NCOR2: variants seen among roughly 807,000 people sequenced by gnomAD.
NCOR2 encodes CTG repeat protein 26.
In NCOR2, 81 loss-of-function variants were observed where a neutral mutation model predicts 262.9. That is an observed-to-expected ratio of 0.31 (90% CI 0.26 to 0.37). The LOEUF is 0.37. NCOR2 is among the 10% of genes least tolerant of loss of function. The pLI, the probability that NCOR2 is intolerant of heterozygous loss-of-function variation, is 1.00. For synonymous variants in NCOR2, 1,659 were observed against 1,559.3 expected (o/e 1.06, Z -1.51); for missense variants, 3,385 against 3,621.4 (o/e 0.93, Z 1.68).
At chr12:124,438,242 C>T (rs150531548) in intron 7 of NCOR2, among the ~76,000 whole-genome samples, 2 of 152,270 alleles carry the variant, frequency 1.3e-5, no homozygotes, top group Admixed American at 1.3e-4. Context: ...AAGAGGGTTC[C>T]CAGAGCCGAG....
chr12:124,365,087 G>A (rs1449827323), intron 20 of NCOR2, among the ~76,000 whole-genome samples: 1 of 152,154 alleles, frequency 6.6e-6, no homozygotes, highest in East Asian at 1.9e-4. Flanking sequence ...GGGTATGGAA[G>A]CAGCCCGGCC....
At chr12:124,466,258 G>A (rs776360455) in exon 5 of NCOR2, 25 of 1,608,128 alleles carry the variant, frequency 1.6e-5, no homozygotes, top group East Asian at 2.2e-5. Flanking sequence ...AGGCTCGGGC[G>A]GCTTGGCAGC....
exon 31 of NCOR2, chr12:124,346,819 C>T (rs2036969352): frequency 6.3e-7 from 1 of 1,579,486 alleles, no homozygotes; most frequent in Non-Finnish European, 8.6e-7. Flanking sequence ...GCAGGTAGTC[C>T]TCCTGTGCCT....
rs772955359 is a variant in NCOR2, at chr12:124,486,609, C to T, written c.106-41G>A. ...GAGGAGTGGTGAGCGTGGGCGGGCA[C>T]GGGCATGGCGGGGCACGGCAGGGCA... On this transcript the variant is annotated intron_variant, in intron 1 of 46. Transcript: ENST00000405201. 8 of 1,532,682 alleles carry T rather than the reference C, an allele frequency of 5.2e-6. No individual in the cohort carries two copies. The African/African-American group carries it at 6.9e-5, about 13-fold the overall frequency. The allele number at this position is 1,532,682 out of a possible 1,614,324, so 94.9% of individuals were successfully genotyped here. A position where few individuals can be genotyped will look rare whatever the true frequency, so the allele number is the denominator to read the frequency against.
chr12:124,363,006 G>A (rs978344420), intron 21 of NCOR2, among the ~76,000 whole-genome samples: 1 of 152,282 alleles, frequency 6.6e-6, no homozygotes, highest in South Asian at 2.1e-4. Context: ...GCCTGGTGGT[G>A]GACAGGAGGC....
Position 124,503,673 on chromosome 12 carries a change from TG to T in NCOR2, c.-117-8306del, listed in dbSNP as rs1274395491. Among the ~76,000 whole-genome samples the T allele has an allele frequency of 5.3e-5, 6 of 112,986 alleles. No individual in the cohort carries two copies. The highest frequency in any genetic ancestry group is 1.7e-5 in the Non-Finnish European group (1 of 58,160). 74.1% of individuals were successfully genotyped at this position (112,986 alleles called of 152,430 possible). On this transcript the variant is annotated intron_variant, in intron 1 of 46. Transcript: ENST00000404621. The surrounding 1 kb of genome is among the most constrained non-coding windows in gnomAD (Gnocchi z 4.3). ...ATGGATGGATGGATGGACGGGTGAA[TG>T]GATGGATGGATGGATGGATGGATGG... is the stretch of plus-strand genomic sequence containing the variant.
chr12:124,412,402 G>A (rs2042631422), intron 13 of NCOR2, among the ~76,000 whole-genome samples: 1 of 152,240 alleles, frequency 6.6e-6, no homozygotes, highest in African/African-American at 2.4e-5. Context: ...CATTCGGGTG[G>A]CCACAGCATC....
chr12:124,479,873 C>T (rs1378277397), intron 3 of NCOR2, among the ~76,000 whole-genome samples: 5 of 152,224 alleles, frequency 3.3e-5, no homozygotes, highest in Non-Finnish European at 5.9e-5. Context: ...CGTTCCCCCA[C>T]GTCCAGCTCG....
intron 17 of NCOR2, among the ~76,000 whole-genome samples, chr12:124,380,917 CAGG>C (rs2040367164): frequency 6.6e-6 from 1 of 152,180 alleles, no homozygotes; most frequent in East Asian, 1.9e-4. Flanking sequence ...ACTGTGGGAT[CAGG>C]AGGTGTGTGT....
At chr12:124,430,938 A>G in intron 8 of NCOR2, 151 bp from the exon 11 acceptor site, 1 of 872,786 alleles carries the variant, frequency 1.1e-6, no homozygotes, top group Middle Eastern at 3.1e-4. Flanking sequence ...AGATACAGCC[A>G]CACAGACACA....
chr12:124,448,684 G>A (rs946441785), intron 7 of NCOR2, among the ~76,000 whole-genome samples: 1 of 152,184 alleles, frequency 6.6e-6, no homozygotes, highest in African/African-American at 2.4e-5. Flanking sequence ...TGGACCAGTC[G>A]CGCAACTCTG....
intron 7 of NCOR2, among the ~76,000 whole-genome samples, 180 bp from the exon 10 acceptor site, chr12:124,438,176 T>G (rs1480128904): frequency 6.6e-6 from 1 of 151,838 alleles, no homozygotes; most frequent in Non-Finnish European, 1.5e-5. Flanking sequence ...GCATCCTTAC[T>G]CCCCCGCGCG....
At chr12:124,424,156 T>G (rs1484835615) in intron 11 of NCOR2, among the ~76,000 whole-genome samples, 1 of 152,152 alleles carries the variant, frequency 6.6e-6, no homozygotes, top group East Asian at 1.9e-4. Flanking sequence ...CAGAGCCACA[T>G]GAGATCTTCC....
At chr12:124,341,757 G>A (rs2036481235) in intron 34 of NCOR2, 66 bp downstream of exon 36, 52 of 1,539,412 alleles carry the variant, frequency 3.4e-5, no homozygotes, top group Non-Finnish European at 4.5e-5. Context: ...CGAGGCCACA[G>A]GGGCACGCCC....
chr12:124,338,809 C>T (rs2036121085), intron 37 of NCOR2, among the ~76,000 whole-genome samples: 1 of 152,030 alleles, frequency 6.6e-6, no homozygotes, highest in South Asian at 2.1e-4. Flanking sequence ...ATCCCACCGC[C>T]CAACTCATCG....
At chr12:124,359,410 A>AG (rs1405075510) in intron 22 of NCOR2, among the ~76,000 whole-genome samples, 2 of 152,228 alleles carry the variant, frequency 1.3e-5, no homozygotes, top group Non-Finnish European at 2.9e-5. Context: ...CAGGTGGGCA[A>AG]GAAGGCCTAT....
At chr12:124,336,268 C>T (rs1351923619) in intron 38 of NCOR2, 2 of 166,512 alleles carry the variant, frequency 1.2e-5, no homozygotes, top group Non-Finnish European at 2.6e-5. Flanking sequence ...AGCATCCAGG[C>T]AGCCGGCAGG....
intron 38 of NCOR2, 169 bp downstream of exon 40, chr12:124,336,584 A>T (rs2035926277): frequency 1.0e-6 from 1 of 979,850 alleles, no homozygotes. Flanking sequence ...AAAAGCAGAG[A>T]TCTGAAAATA....
At chr12:124,327,368 G>A in intron 45 of NCOR2, 41 bp downstream of exon 47, 1 of 1,463,466 alleles carries the variant, frequency 6.8e-7, no homozygotes, top group Non-Finnish European at 9.3e-7. Flanking sequence ...TCACACCGGG[G>A]GTGGGGACAG....
Sources: allele counts gnomAD v4.1 joint callset (sites outside exome capture counted in the v4.1 genomes callset), GRCh38; gene constraint gnomAD v4.1.1; non-coding constraint Gnocchi (gnomAD v3.1); transcripts MANE v1.5; gene names NCBI Gene and HGNC (gene_info 2026-07-23, HGNC 2026-07-21).